The following GRIK2 variants were observed in gnomAD, a reference collection of about 807,000 sequenced individuals.
GRIK2 encodes the protein glutamate ionotropic receptor kainate type subunit 2, also known as glutamate receptor ionotropic, kainate 2.
GRIK2 carries 32 observed loss-of-function variants against 100.3 expected under a neutral mutation model. That is an observed-to-expected ratio of 0.32 (90% confidence interval 0.24 to 0.43). The LOEUF is 0.43. Among genes scored for constraint, GRIK2 ranks in the 20% least tolerant of loss-of-function variants. GRIK2 has a pLI of 1.00. For missense variants in GRIK2, 843 were observed against 1,114.9 expected, an observed-to-expected ratio of 0.76 and a Z score of 3.47; for synonymous variants, 417 against 389.4, an observed-to-expected ratio of 1.07 and a Z score of -0.83.
intron 10 of GRIK2, among the ~76,000 whole-genome samples, chr6:101,821,492 C>A (rs1222350769): frequency 6.6e-6 from 1 of 151,934 alleles, no homozygotes; most frequent in East Asian, 1.9e-4. Context: ...GATTATTACT[C>A]CATATGAATA....
chr6:101,777,530 A>G (rs1021075775), intron 7 of GRIK2, among the ~76,000 whole-genome samples: 1 of 152,234 alleles, frequency 6.6e-6, no homozygotes, highest in Admixed American at 6.5e-5. Flanking sequence ...TTTTCAAGCA[A>G]GAAAATCTTT....
At chr6:101,528,539 T>C (rs1330220170) in intron 2 of GRIK2, among the ~76,000 whole-genome samples, 1 of 152,144 alleles carries the variant, frequency 6.6e-6, no homozygotes, top group Non-Finnish European at 1.5e-5. Flanking sequence ...TTTTCTGATG[T>C]TCCTGAGCCA....
At chr6:101,630,401 A>G (rs1256225733) in intron 4 of GRIK2, among the ~76,000 whole-genome samples, 1 of 152,134 alleles carries the variant, frequency 6.6e-6, no homozygotes, top group African/African-American at 2.4e-5. Flanking sequence ...AATAATAGCC[A>G]TTCAGACTAG....
chr6:102,068,256 A>G (rs1772114974), intron 16 of GRIK2, 91 bp from the exon 17 acceptor site: 10 of 904,764 alleles, frequency 1.1e-5, no homozygotes, highest in Admixed American at 2.6e-5. Flanking sequence ...ATGTTATGTG[A>G]CAAGTCTGTT....
intron 7 of GRIK2, among the ~76,000 whole-genome samples, chr6:101,708,551 T>G (rs17062368): frequency 0.018 from 2,689 of 151,826 alleles, 60 homozygotes; most frequent in African/African-American, 0.053. Context: ...AAAATTTACC[T>G]TCTTTTAAAA....
At chr6:101,644,542 T>C (rs538183995) in intron 4 of GRIK2, among the ~76,000 whole-genome samples, 1 of 151,836 alleles carries the variant, frequency 6.6e-6, no homozygotes, top group Non-Finnish European at 1.5e-5. Context: ...GAAGAGGCTG[T>C]GGCTGGAATT....
intron 7 of GRIK2, among the ~76,000 whole-genome samples, chr6:101,739,402 C>G (rs527313975): frequency 6.6e-5 from 10 of 152,170 alleles, no homozygotes; most frequent in South Asian, 4.1e-4. Context: ...TGTGAGGACT[C>G]TTAATGGGAA....
At chr6:102,064,009 G>C in intron 16 of GRIK2, 2 of 1,551,690 alleles carry the variant, frequency 1.3e-6, no homozygotes, top group Non-Finnish European at 1.8e-6. Flanking sequence ...ACACTGTTTA[G>C]TAATCTTTTG....
intron 14 of GRIK2, among the ~76,000 whole-genome samples, chr6:101,951,035 G>A (rs965944077): frequency 6.6e-6 from 1 of 152,108 alleles, no homozygotes; most frequent in South Asian, 2.1e-4. Context: ...GAAGTTGTGT[G>A]TCAGTTCCAA....
intron 14 of GRIK2, among the ~76,000 whole-genome samples, chr6:101,946,441 G>C (rs189482629): frequency 6.6e-6 from 1 of 151,860 alleles, no homozygotes; most frequent in Non-Finnish European, 1.5e-5. Context: ...TGAGGTGGGA[G>C]GATCATTTAA....
intron 7 of GRIK2, among the ~76,000 whole-genome samples, chr6:101,721,204 CTCTTT>C (rs150338772): frequency 0.018 from 2,723 of 152,072 alleles, 41 homozygotes; most frequent in South Asian, 0.056. Context: ...TTGTGGATGT[CTCTTT>C]TCTATTCTAA....
intron 2 of GRIK2, among the ~76,000 whole-genome samples, chr6:101,485,494 TTG>T (rs1413877645): frequency 6.6e-6 from 1 of 152,152 alleles, no homozygotes; most frequent in Non-Finnish European, 1.5e-5. Context: ...CAAAACATAT[TTG>T]TGACAATTTT....
intron 2 of GRIK2, among the ~76,000 whole-genome samples, chr6:101,610,731 G>C (rs1355016393): frequency 6.6e-6 from 1 of 151,798 alleles, no homozygotes; most frequent in Non-Finnish European, 1.5e-5. Flanking sequence ...GGAGTGAAGA[G>C]GCTTGCTCAT....
At position 101,909,622 on chromosome 6, in the gene GRIK2, T is replaced by G. The variant is rs1275421017; in HGVS notation, c.1749-14979T>G. Among the ~76,000 whole-genome samples the G allele has an allele frequency of 4.0e-5, 6 of 150,592 alleles. No homozygotes were observed. The Admixed American group carries it at 4.0e-4, about 10-fold the overall frequency. ...CTTTGGATAAGTAAAGCTCCTCAAA[T>G]GAATAAAAAATGAAGAAGAAAAAAG... On this transcript the variant is annotated intron_variant, in intron 12 of 16. Coordinates refer to ENST00000369134, the MANE Select transcript of GRIK2 (RefSeq NM_021956.5).
intron 7 of GRIK2, among the ~76,000 whole-genome samples, chr6:101,703,238 G>A (rs1206077955): frequency 1.3e-5 from 2 of 151,844 alleles, no homozygotes; most frequent in Non-Finnish European, 2.9e-5. Context: ...GATTATCCAA[G>A]GGTATAGTGT....
At chr6:101,783,207 G>A (rs1779208273) in intron 7 of GRIK2, among the ~76,000 whole-genome samples, 1 of 152,092 alleles carries the variant, frequency 6.6e-6, no homozygotes, top group Non-Finnish European at 1.5e-5. Flanking sequence ...GAGGGACCTA[G>A]TGGGAGATAA....
chr6:101,663,380 C>T (rs1465874122), intron 4 of GRIK2, among the ~76,000 whole-genome samples: 1 of 152,080 alleles, frequency 6.6e-6, no homozygotes, highest in Admixed American at 6.6e-5. Flanking sequence ...GACAGGCGTA[C>T]ATCTGAACAG....
intron 2 of GRIK2, among the ~76,000 whole-genome samples, chr6:101,424,464 C>T (rs1188024813): frequency 2.0e-5 from 3 of 151,284 alleles, no homozygotes; most frequent in African/African-American, 4.9e-5. Context: ...ATGATGGTTT[C>T]CAGCTTCATC....
intron 12 of GRIK2, among the ~76,000 whole-genome samples, chr6:101,896,997 AACACACACAC>A (rs10588904): frequency 3.7e-4 from 55 of 147,772 alleles, no homozygotes; most frequent in Middle Eastern, 3.4e-3. Context: ...CATTGTATTT[AACACACACAC>A]ACACACACAC....
Sources: allele counts gnomAD v4.1 joint callset (sites outside exome capture counted in the v4.1 genomes callset), GRCh38; gene constraint gnomAD v4.1.1; transcripts MANE v1.5; gene names NCBI Gene and HGNC (gene_info 2026-07-23, HGNC 2026-07-21).